The following TNRC18 variants were observed in gnomAD, a reference collection of about 807,000 sequenced individuals.
TNRC18 encodes trinucleotide repeat containing 18, also known as trinucleotide repeat-containing gene 18 protein.
A neutral mutation model predicts 226.7 loss-of-function variants in TNRC18; 69 were observed. The observed-to-expected ratio is 0.30, with a 90% CI of 0.25 to 0.37. The LOEUF (loss-of-function observed/expected upper bound fraction) is 0.37, where lower values mean the gene tolerates loss of function less well. Ranked by LOEUF, TNRC18 falls within the 10% of genes least tolerant of loss-of-function variation. The pLI is 1.00. For synonymous variants in TNRC18, 2,449 were observed against 1,927.6 expected (o/e 1.27, Z -7.09); for missense variants, 4,754 against 4,256.6 (o/e 1.12, Z -3.25).
At position 5,388,742 on chromosome 7, in the gene TNRC18, C is replaced by T; in HGVS notation, c.1082G>A (p.Arg361His). 8.0e-7 allele frequency: 1 copy of T among 1,247,236 alleles called. No homozygotes were observed. The allele number at this position is 1,247,236 out of a possible 1,614,324, so 77.3% of individuals were successfully genotyped here. The change falls in exon 5 of 30, where the codon CGC becomes CAC. Residue 361 changes from arginine (R) to histidine (H), a missense_variant. By Grantham distance (29) the Arg-to-His change is conservative (BLOSUM62 0). Coordinates refer to ENST00000430969, the MANE Select transcript of TNRC18 (RefSeq NM_001080495.3). ...CACGCGGTGCTCACGGCCCTGCTCGCGGAAGACGGTGTAGACGCCGGCGGG... is the reference window on the plus strand; with the variant it reads ...CACGCGGTGCTCACGGCCCTGCTCGTGGAAGACGGTGTAGACGCCGGCGGG... ...ATPAGVYTVF[R>H]EQGREHRVVA... is the part of the protein sequence containing the mutation.
intron 18 of TNRC18, among the ~76,000 whole-genome samples, chr7:5,343,455 T>C (rs748789208): frequency 6.6e-6 from 1 of 152,214 alleles, no homozygotes; most frequent in Non-Finnish European, 1.5e-5. Context: ...CAGGGTCTCA[T>C]TCTCTTGCCT....
At chr7:5,368,762 G>A (rs1330345656) in intron 11 of TNRC18, among the ~76,000 whole-genome samples, 3 of 152,098 alleles carry the variant, frequency 2.0e-5, no homozygotes, top group East Asian at 1.9e-4. Flanking sequence ...GTAAATATGT[G>A]TATGTGTGTT....
Position 5,332,828 on chromosome 7 carries a change from C to T in TNRC18, c.5941G>A (p.Gly1981Ser). Residue 1981 changes from glycine to serine, a missense_variant, in exon 19 of 30, where the codon GGC (glycine) becomes AGC (serine). Coordinates refer to ENST00000430969, the MANE Select transcript of TNRC18 (RefSeq NM_001080495.3). ...ARKLRGPKEP[G>S]FEAGPEASDD... is the part of the protein sequence containing the mutation. Reference sequence around the variant, plus strand: ...CTGGCCTCGGGCCCCGCCTCGAAGCCAGGCTCCTTGGGGCCCCGCAGCTTC... The same window carrying T: ...CTGGCCTCGGGCCCCGCCTCGAAGCTAGGCTCCTTGGGGCCCCGCAGCTTC... The T allele has an allele frequency of 6.6e-7, 1 of 1,509,006 alleles. No individual in the cohort carries two copies. The highest frequency in any genetic ancestry group is 8.8e-7 in the Non-Finnish European group (1 of 1,137,770). The allele number at this position is 1,509,006 out of a possible 1,614,324, so 93.5% of individuals were successfully genotyped here.
chr7:5,312,582 G>A lies in TNRC18; in HGVS notation c.8309C>T (p.Pro2770Leu). 1.9e-6 allele frequency: 3 copies of A among 1,611,078 alleles called. No individual in the cohort carries two copies. The highest frequency in any genetic ancestry group is 1.1e-5 in the South Asian group (1 of 90,970). ...TKELAKRQRL[P>L]SVENRPKIAA... ...GATCTTGGGCCGGTTCTCCACGGAC[G>A]GCAGGCGCTGCCGCTTGGCCAGCTC... is the stretch of plus-strand genomic sequence containing the variant. Residue 2770 changes from proline (P) to leucine (L), a missense_variant, in exon 27 of 30, where the codon CCG becomes CTG. Transcript: ENST00000430969. The surrounding 1 kb of genome is among the most constrained non-coding windows in gnomAD (Gnocchi z 6.3).
intron 2 of TNRC18, among the ~76,000 whole-genome samples, chr7:5,405,721 G>A (rs1178409496): frequency 6.6e-6 from 1 of 152,108 alleles, no homozygotes; most frequent in Non-Finnish European, 1.5e-5. Flanking sequence ...CCAAGCCTGG[G>A]CAACAGAGCA....
chr7:5,342,626 T>A (rs1259890201), intron 18 of TNRC18, among the ~76,000 whole-genome samples: 1 of 152,138 alleles, frequency 6.6e-6, no homozygotes, highest in African/African-American at 2.4e-5. Context: ...CTGCTTTTTA[T>A]GGAGGAGCAA....
chr7:5,312,899 G>T lies in TNRC18; in HGVS notation c.7992C>A (p.Ser2664=). The change falls in exon 27 of 30, where the codon TCC becomes TCA. Residue 2664 remains serine (S), a synonymous_variant. Transcript: ENST00000430969. This position sits in a 1 kb window ranked among gnomAD's most constrained non-coding sequence, Gnocchi z 6.3. ...SSSSSSSSSS[S]SSSSSSSTTD... is the part of the protein sequence containing the mutation. ...TGGTGGAGGAAGAAGAGGAGGAAGA[G>T]GAGGAGGAGGAGGAGGATGAGGACG... 7.1e-7 allele frequency: 1 copy of T among 1,399,376 alleles called. No individual in the cohort carries two copies. The allele number at this position is 1,399,376 out of a possible 1,614,324, so 86.7% of individuals were successfully genotyped here. A position where few individuals can be genotyped will look rare whatever the true frequency, so the allele number is the denominator to read the frequency against.
intron 9 of TNRC18, among the ~76,000 whole-genome samples, chr7:5,375,541 G>A (rs1483366215): frequency 6.6e-6 from 1 of 152,164 alleles, no homozygotes; most frequent in African/African-American, 2.4e-5. Context: ...GGCTCTGAGA[G>A]CTTCTTGCTG....
intron 2 of TNRC18, among the ~76,000 whole-genome samples, chr7:5,398,298 G>A (rs13246181): frequency 0.21 from 32,254 of 151,924 alleles, 3,942 homozygotes; most frequent in Middle Eastern, 0.31. Context: ...AGCCTCCCAA[G>A]TAGCTGGGAT....
At chr7:5,372,908 C>T (rs988660375) in intron 10 of TNRC18, among the ~76,000 whole-genome samples, 1 of 152,124 alleles carries the variant, frequency 6.6e-6, no homozygotes, top group Non-Finnish European at 1.5e-5. Context: ...CCTGTAATCC[C>T]AGCACTCTGG....
At chr7:5,318,535 G>C (rs1788064334) in intron 24 of TNRC18, among the ~76,000 whole-genome samples, 1 of 152,092 alleles carries the variant, frequency 6.6e-6, no homozygotes, top group Non-Finnish European at 1.5e-5. Flanking sequence ...TACAAGTAGA[G>C]CTTCCAAGAA....
rs772589748 is a variant in TNRC18, at chr7:5,387,919, G to C, written c.1905C>G (p.Ala635=). The C allele has an allele frequency of 6.3e-7, 1 of 1,594,824 alleles. No homozygotes were observed. The highest frequency in any genetic ancestry group is 1.1e-5 in the South Asian group (1 of 88,964). Residue 635 remains alanine, a synonymous_variant, in exon 5 of 30, where the codon GCC becomes GCG. Coordinates refer to ENST00000430969, the MANE Select transcript of TNRC18 (RefSeq NM_001080495.3). ...CAGGGCCTCCGGAGTGTGGGAGACG[G>C]GCCTGGGCTCGGGAGGCACCCGCAG... ...PTSAGASRAQ[A]RLPHSGGPAA...
intron 9 of TNRC18, among the ~76,000 whole-genome samples, chr7:5,375,712 A>G (rs1794602599): frequency 6.6e-6 from 1 of 152,102 alleles, no homozygotes; most frequent in African/African-American, 2.4e-5. Flanking sequence ...GCGGGAGCCC[A>G]CTGGACTCCT....
chr7:5,355,320 A>C (rs4724592), intron 16 of TNRC18, among the ~76,000 whole-genome samples: 129,304 of 152,260 alleles, frequency 0.85, 55,359 homozygotes, highest in African/African-American at 0.96. Context: ...CCCATCAGGA[A>C]TGCTCCATTT....
In TNRC18 at chr7:5,318,470, AG is replaced by A. The variant is rs1339793732; in HGVS notation, c.6745+1847del. Among the ~76,000 whole-genome samples the A allele has an allele frequency of 4.6e-5, 7 of 152,330 alleles. No individual in the cohort carries two copies. The South Asian group carries it at 6.2e-4, about 14-fold the overall frequency. ...CACACACACCAGGGGCCATGGAACT[AG>A]CCCAAGTTCCAGGGAAAACATGAAA... On this transcript the variant is annotated intron_variant, in intron 24 of 29. Coordinates refer to ENST00000430969, the MANE Select transcript of TNRC18 (RefSeq NM_001080495.3).
At chr7:5,345,517 G>GGGGGGGGGGGGCCCC in intron 18 of TNRC18, 45 bp downstream of exon 18, 1 of 377,742 alleles carries the variant, frequency 2.6e-6, no homozygotes, top group Non-Finnish European at 4.8e-6. Context: ...AATGGCGTCC[G>GGGGGGGGGGGGCCCC]CCCCTCCCAC....
chr7:5,384,360 C>G (rs1032070392), intron 5 of TNRC18, among the ~76,000 whole-genome samples: 1 of 152,192 alleles, frequency 6.6e-6, no homozygotes, highest in South Asian at 2.1e-4. Flanking sequence ...GTTGGCCTTC[C>G]GAAGTGCTGG....
At position 5,376,935 on chromosome 7, in the gene TNRC18, C is replaced by A; in HGVS notation, c.2520G>T (p.Gly840=). The part of the protein sequence containing the change: ...GMAPAFPPGL[G]GSLPSAYQFV... ...ACTGGTAGGCTGACGGGAGGGAGCC[C>A]CCCAGGCCAGGTGGGAACGCAGGGG... The change falls in exon 8 of 30, where the codon GGG becomes GGT. Residue 840 remains glycine, a synonymous_variant. Coordinates refer to ENST00000430969, the MANE Select transcript of TNRC18 (RefSeq NM_001080495.3). 24 of 1,598,542 alleles carry A rather than the reference C, an allele frequency of 1.5e-5. No homozygotes were observed. Among genetic ancestry groups the A allele is most frequent in the Non-Finnish European group, 2.0e-5 (23 of 1,172,866 alleles).
At chr7:5,360,211 ATTTATTTATT>A (rs1273903450) in intron 14 of TNRC18, among the ~76,000 whole-genome samples, 1 of 132,468 alleles carries the variant, frequency 7.5e-6, no homozygotes, top group Non-Finnish European at 1.8e-5. Context: ...TATTTTATTT[ATTTATTTATT>A]TATTTATTTA....
Sources: allele counts gnomAD v4.1 joint callset (sites outside exome capture counted in the v4.1 genomes callset), GRCh38; gene constraint gnomAD v4.1.1; non-coding constraint Gnocchi (gnomAD v3.1); transcripts MANE v1.5; gene names NCBI Gene and HGNC (gene_info 2026-07-23, HGNC 2026-07-21).